The following ENKUR variants were observed in gnomAD, a reference collection of about 807,000 sequenced individuals.
ENKUR encodes the protein enkurin.
ENKUR carries 19 observed loss-of-function variants against 27.6 expected under a neutral mutation model. The ratio of observed to expected loss-of-function variants is 0.69; its 90% CI spans 0.48 to 1.01. ENKUR has a LOEUF of 1.01. Among genes scored for constraint, ENKUR ranks in the 50% least tolerant of loss-of-function variants. The pLI is 0.00. For missense variants in ENKUR, 312 were observed against 310.5 expected (o/e 1.00, Z -0.04); for synonymous variants, 117 against 96.9 (o/e 1.21, Z -1.22).
chr10:25,035,061 G>GA (rs1022510325), intron 2 of ENKUR, among the ~76,000 whole-genome samples: 2 of 151,532 alleles, frequency 1.3e-5, no homozygotes, highest in Admixed American at 1.3e-4. Flanking sequence ...TCTTGTCAAA[G>GA]AAAAAAAATA....
intron 2 of ENKUR, among the ~76,000 whole-genome samples, chr10:25,057,724 T>C (rs1851277467): frequency 6.6e-6 from 1 of 152,060 alleles, no homozygotes; most frequent in South Asian, 2.1e-4. Flanking sequence ...ATAGTGTTGG[T>C]AGCTGAATTT....
In ENKUR at chr10:25,057,646, C is replaced by A. The variant is rs191642462; in HGVS notation, c.37+3466G>T. ...CAAAATTATCACCCTTGTACCACTA[C>A]CTCTGTGGGATAAGGAAATGGTCTT... On this transcript the variant is annotated intron_variant, in intron 2 of 5. Transcript: ENST00000615958. 1.4e-4 allele frequency among the ~76,000 whole-genome samples: 21 copies of A among 152,268 alleles called. 1 individual carries two copies. In the East Asian group the frequency reaches 2.1e-3, roughly 15 times the overall value.
upstream of ENKUR, chr10:25,016,197 T>C (rs572018896): frequency 1.8e-5 from 21 of 1,174,074 alleles, no homozygotes; most frequent in Non-Finnish European, 2.2e-5. Context: ...AACGAGGAAG[T>C]GGCAGGCAGC....
intron 1 of ENKUR, among the ~76,000 whole-genome samples, chr10:25,003,796 T>G (rs1433217254): frequency 6.6e-6 from 1 of 152,184 alleles, no homozygotes; most frequent in Non-Finnish European, 1.5e-5. Flanking sequence ...TAGTACTCAT[T>G]ACTTGTTTTT....
chr10:25,016,681 A>T (rs906918550), upstream of ENKUR: 14 of 152,252 alleles, frequency 9.2e-5, no homozygotes, highest in Admixed American at 2.6e-4. Context: ...GGGACCGGGG[A>T]GCTAGCTGCA....
chr10:24,995,166 T>A (rs1850018541), intron 3 of ENKUR, among the ~76,000 whole-genome samples: 1 of 152,218 alleles, frequency 6.6e-6, no homozygotes, highest in South Asian at 2.1e-4. Flanking sequence ...TATATTCATG[T>A]TAAAATAGGA....
At chr10:25,054,457 T>TTTTCTTTCTC (rs1851224389) in intron 2 of ENKUR, among the ~76,000 whole-genome samples, 2 of 100,860 alleles carry the variant, frequency 2.0e-5, no homozygotes, top group Non-Finnish European at 4.1e-5. Flanking sequence ...GTTTTTTCTC[T>TTTTCTTTCTC]TTTCTTTCTT....
rs58973955 is a variant in ENKUR, at chr10:24,997,807, T to TTATATATATATATATATATATATA, written c.223+1593_223+1594insTATATATATATATATATATATATA. ...TTTTTTCTTATTTGACACAAAGGAT[T>TTATATATATATATATATATATATA]TATATATATATATATATATGTTTGT... On this transcript the variant is annotated intron_variant, in intron 2 of 5. Coordinates refer to ENST00000331161, the MANE Select transcript of ENKUR (RefSeq NM_145010.4). 1.0e-3 allele frequency among the ~76,000 whole-genome samples: 151 copies of TTATATATATATATATATATATATA among 144,880 alleles called. 2 individuals carry two copies. The highest frequency in any genetic ancestry group is 3.6e-3 in the Middle Eastern group (1 of 278).
At chr10:25,041,203 T>G (rs575462770) in intron 2 of ENKUR, among the ~76,000 whole-genome samples, 1 of 152,246 alleles carries the variant, frequency 6.6e-6, no homozygotes, top group Non-Finnish European at 1.5e-5. Flanking sequence ...CTTCTGAAAG[T>G]AATTTCTTCC....
At chr10:25,056,701 AAACG>A (rs1851260441) in intron 2 of ENKUR, among the ~76,000 whole-genome samples, 1 of 152,268 alleles carries the variant, frequency 6.6e-6, no homozygotes, top group African/African-American at 2.4e-5. Context: ...AGACATACTG[AAACG>A]TTAGTGCCTA....
intron 5 of ENKUR, 170 bp downstream of exon 5, chr10:24,984,566 G>C: frequency 9.7e-7 from 1 of 1,026,532 alleles, no homozygotes. Context: ...ATTTCTTCTT[G>C]TGTAAGTGAA....
At chr10:25,015,082 G>A (rs186684126) in intron 1 of ENKUR, among the ~76,000 whole-genome samples, 2 of 152,300 alleles carry the variant, frequency 1.3e-5, no homozygotes, top group East Asian at 1.9e-4. Flanking sequence ...AACATTTCAA[G>A]TCCTAGGAGA....
At position 24,983,422 on chromosome 10, in the gene ENKUR, A is replaced by C. The variant is rs1849712794; in HGVS notation, c.*948T>G. ...CACAGCAAAGTACTGCTATGTTAGC[A>C]AGAATTGAATATGTGTTTACGTAAT... On this transcript the variant is annotated 3_prime_UTR_variant, in exon 6 of 6. Transcript: ENST00000331161. 1 of 152,252 alleles carries C rather than the reference A, an allele frequency of 6.6e-6. No individual in the cohort carries two copies. Among genetic ancestry groups the C allele is most frequent in the Non-Finnish European group, 1.5e-5 (1 of 68,048 alleles). The allele number at this position is 152,252 out of a possible 1,614,324, so 9.4% of individuals were successfully genotyped here.
At chr10:25,047,574 T>C (rs1265627282) in intron 2 of ENKUR, among the ~76,000 whole-genome samples, 1 of 152,214 alleles carries the variant, frequency 6.6e-6, no homozygotes, top group Non-Finnish European at 1.5e-5. Context: ...AACAAAGCAG[T>C]ATCAACAATT....
intron 2 of ENKUR, among the ~76,000 whole-genome samples, chr10:25,050,029 G>T (rs1460024185): frequency 6.6e-6 from 1 of 152,104 alleles, no homozygotes; most frequent in Non-Finnish European, 1.5e-5. Context: ...GGAAGGTGAA[G>T]GGGGAGGAGG....
intron 2 of ENKUR, among the ~76,000 whole-genome samples, chr10:25,023,012 T>C (rs1421981462): frequency 6.6e-6 from 1 of 152,188 alleles, no homozygotes; most frequent in Admixed American, 6.5e-5. Context: ...TATAAGAATT[T>C]GGGTTGGAAT....
At chr10:25,004,802 T>G (rs1850275376) in intron 1 of ENKUR, among the ~76,000 whole-genome samples, 1 of 152,222 alleles carries the variant, frequency 6.6e-6, no homozygotes, top group South Asian at 2.1e-4. Context: ...TTGTTGCCAC[T>G]GCTTTTGGCA....
At chr10:24,987,967 T>A (rs1241237347) in intron 4 of ENKUR, among the ~76,000 whole-genome samples, 2 of 151,982 alleles carry the variant, frequency 1.3e-5, no homozygotes, top group Non-Finnish European at 2.9e-5. Context: ...ACGCCTGTAA[T>A]CCTAGCACTT....
chr10:25,013,214 G>A (rs946020727), intron 1 of ENKUR, among the ~76,000 whole-genome samples: 3 of 152,184 alleles, frequency 2.0e-5, no homozygotes, highest in African/African-American at 7.2e-5. Context: ...CCAGTCTCGA[G>A]TATGTCTTTA....
Sources: gnomAD v4.1 joint callset for allele counts (sites outside exome capture counted in the v4.1 genomes callset) on GRCh38, gnomAD v4.1.1 for gene constraint, MANE v1.5 for transcripts, NCBI Gene and HGNC (gene_info 2026-07-23, HGNC 2026-07-21) for gene names.